Variants in SOX5 observed in about 807,000 individuals in gnomAD.
SOX5 encodes the protein SRY-box transcription factor 5, also known as transcription factor SOX-5.
Under a neutral mutation model 92.0 loss-of-function variants are expected in SOX5, and 9 were observed. The observed-to-expected ratio is 0.10, with a 90% CI of 0.06 to 0.17. SOX5 has a LOEUF of 0.17. Among genes scored for constraint, SOX5 ranks in the 10% least tolerant of loss-of-function variants. SOX5 has a pLI of 1.00. For missense variants in SOX5, 642 were observed against 944.5 expected (o/e 0.68, Z 4.20); for synonymous variants, 344 against 336.3 (o/e 1.02, Z -0.25).
intron 3 of SOX5, among the ~76,000 whole-genome samples, chr12:24,269,153 T>G (rs1293246721): frequency 1.3e-5 from 2 of 152,198 alleles, no homozygotes; most frequent in African/African-American, 2.4e-5. Flanking sequence ...AGCATTTTAC[T>G]TTATAGATTA....
intron 1 of SOX5, among the ~76,000 whole-genome samples, chr12:24,368,980 A>G (rs1328620772): frequency 3.3e-5 from 5 of 152,220 alleles, no homozygotes; most frequent in African/African-American, 1.2e-4. Context: ...CCACCACACT[A>G]TATATACAGT....
chr12:24,258,845 T>C (rs1941650874), intron 3 of SOX5, among the ~76,000 whole-genome samples: 1 of 152,192 alleles, frequency 6.6e-6, no homozygotes, highest in Non-Finnish European at 1.5e-5. Flanking sequence ...GTGAAATAGG[T>C]ACTATTATCT....
rs558534717 is a variant in SOX5 at position 24,500,128 on chromosome 12, A to AT, written c.-251+62200dup. The stretch of plus-strand genomic sequence containing the variant: ...GCTGCCTGACATAGAGCTTTGTGTC[A>AT]TTTTTGTATTTATAAACCATCTTTA... On this transcript the variant is annotated intron_variant, in intron 1 of 4. Transcript: ENST00000446891. 2.6e-5 allele frequency among the ~76,000 whole-genome samples: 4 copies of AT among 152,310 alleles called. No individual in the cohort carries two copies. The South Asian group carries it at 8.3e-4, about 32-fold the overall frequency.
chr12:23,873,791 T>C (rs1020980370), intron 2 of SOX5, among the ~76,000 whole-genome samples: 6 of 152,232 alleles, frequency 3.9e-5, no homozygotes, highest in African/African-American at 1.4e-4. Flanking sequence ...ATAAAGATCA[T>C]GTGAATGATT....
At chr12:24,138,857 A>G (rs1172672055) in intron 4 of SOX5, among the ~76,000 whole-genome samples, 2 of 152,134 alleles carry the variant, frequency 1.3e-5, no homozygotes, top group African/African-American at 4.8e-5. Context: ...TTGCTGAAGG[A>G]TGTTCAGGCT....
intron 1 of SOX5, among the ~76,000 whole-genome samples, chr12:24,533,125 T>A (rs11047488): frequency 0.1 from 15,929 of 152,244 alleles, 1,019 homozygotes; most frequent in Non-Finnish European, 0.14. Flanking sequence ...TATAGATGCA[T>A]TTCTAGGTTT....
At chr12:24,271,585 C>G (rs985205727) in intron 3 of SOX5, among the ~76,000 whole-genome samples, 1 of 152,106 alleles carries the variant, frequency 6.6e-6, no homozygotes, top group Non-Finnish European at 1.5e-5. Flanking sequence ...AGGTTATGAT[C>G]TTAGAGTCTG....
At chr12:24,267,439 A>G (rs1199161231) in intron 3 of SOX5, among the ~76,000 whole-genome samples, 4 of 152,212 alleles carry the variant, frequency 2.6e-5, no homozygotes, top group Non-Finnish European at 5.9e-5. Context: ...ACAATTCATA[A>G]TTATGAATTA....
At chr12:24,245,351 A>C (rs2140105804) in intron 3 of SOX5, among the ~76,000 whole-genome samples, 1 of 115,992 alleles carries the variant, frequency 8.6e-6, no homozygotes, top group East Asian at 2.4e-4. Flanking sequence ...AATATTTCTG[A>C]ATGAGTTAAT....
chr12:23,640,768 T>C (rs1245172819), intron 8 of SOX5, 44 bp downstream of exon 8: 3 of 1,404,164 alleles, frequency 2.1e-6, no homozygotes, highest in Non-Finnish European at 3.0e-6. Flanking sequence ...CTGTTTTCGA[T>C]ATTTACTTAA....
intron 1 of SOX5, among the ~76,000 whole-genome samples, chr12:23,934,118 T>C (rs1942019421): frequency 6.6e-6 from 1 of 151,516 alleles, no homozygotes; most frequent in Non-Finnish European, 1.5e-5. Context: ...CTCTGAATTT[T>C]CTGTAATACT....
intron 1 of SOX5, among the ~76,000 whole-genome samples, chr12:23,922,498 C>T (rs572198896): frequency 4.4e-4 from 67 of 152,274 alleles, no homozygotes; most frequent in Middle Eastern, 3.4e-3. Flanking sequence ...AACAGGAAAT[C>T]CACCTGCATT....
rs530527330 is a variant in SOX5 at position 23,809,557 on chromosome 12, C to T, written c.481+36426G>A. ...TCATTAATGATCTGTTTATATTATT[C>T]TTAAATACCTTAAAATCAATTTAAG... On this transcript the variant is annotated intron_variant, in intron 3 of 14. Transcript: ENST00000451604. 3.9e-4 allele frequency among the ~76,000 whole-genome samples: 59 copies of T among 150,826 alleles called. 1 individual carries two copies. Among genetic ancestry groups the T allele is most frequent in the African/African-American group, 1.4e-3 (58 of 41,206 alleles).
At chr12:23,863,721 A>AT (rs1168015573) in intron 2 of SOX5, among the ~76,000 whole-genome samples, 1 of 151,346 alleles carries the variant, frequency 6.6e-6, no homozygotes, top group Non-Finnish European at 1.5e-5. Flanking sequence ...TTACATTTCA[A>AT]TTTTCTTAAC....
chr12:24,094,091 C>T (rs922118024), intron 4 of SOX5, among the ~76,000 whole-genome samples: 4 of 151,968 alleles, frequency 2.6e-5, no homozygotes, highest in Non-Finnish European at 5.9e-5. Context: ...GGATTACAGG[C>T]GCCCGCCACC....
chr12:23,575,573 T>C (rs1275834647), intron 10 of SOX5, 88 bp downstream of exon 10: 4 of 1,254,516 alleles, frequency 3.2e-6, no homozygotes, highest in Non-Finnish European at 3.5e-6. Flanking sequence ...AAGCCGTGTA[T>C]AGAGTGGGTG....
intron 1 of SOX5, among the ~76,000 whole-genome samples, chr12:23,923,040 G>T (rs942309473): frequency 9.9e-5 from 15 of 152,074 alleles, no homozygotes; most frequent in Non-Finnish European, 1.8e-4. Flanking sequence ...CCGCCTCCTG[G>T]GTTCCCGCCA....
At chr12:23,534,628 T>C in intron 14 of SOX5, 106 bp from the exon 15 acceptor site, 1 of 765,644 alleles carries the variant, frequency 1.3e-6, no homozygotes. Context: ...TCTAAGGTAC[T>C]AATTTTATCT....
At chr12:23,905,876 C>T (rs946426892) in intron 1 of SOX5, among the ~76,000 whole-genome samples, 3 of 152,196 alleles carry the variant, frequency 2.0e-5, no homozygotes, top group Middle Eastern at 3.4e-3. Context: ...ACTTTACCTT[C>T]GATCATTAAA....
Sources: gnomAD v4.1 joint callset for allele counts (sites outside exome capture counted in the v4.1 genomes callset) on GRCh38, gnomAD v4.1.1 for gene constraint, MANE v1.5 for transcripts, NCBI Gene and HGNC (gene_info 2026-07-23, HGNC 2026-07-21) for gene names.